ZFPM2: variants seen among roughly 807,000 people sequenced by gnomAD.
ZFPM2 encodes zinc finger protein, FOG family member 2.
Under a neutral mutation model 98.6 loss-of-function variants are expected in ZFPM2, and 20 were observed. The ratio of observed to expected loss-of-function variants is 0.20; its 90% CI spans 0.14 to 0.29. The LOEUF (loss-of-function observed/expected upper bound fraction) is 0.29. Ranked by LOEUF, ZFPM2 falls within the 10% of genes least tolerant of loss-of-function variation. The pLI is 1.00. For missense variants in ZFPM2, 1,310 were observed against 1,388.6 expected, an observed-to-expected ratio of 0.94 and a Z score of 0.90; for synonymous variants, 518 against 502.7, an observed-to-expected ratio of 1.03 and a Z score of -0.41.
intron 3 of ZFPM2, among the ~76,000 whole-genome samples, chr8:105,494,353 G>T (rs899171814): frequency 6.6e-6 from 1 of 151,048 alleles, no homozygotes; most frequent in Non-Finnish European, 1.5e-5. Context: ...TAAGACCCAG[G>T]TGTCATCCTC....
chr8:105,772,422 C>A (rs1813000017), intron 5 of ZFPM2, among the ~76,000 whole-genome samples: 1 of 152,204 alleles, frequency 6.6e-6, no homozygotes, highest in Non-Finnish European at 1.5e-5. Context: ...CCAGAGATGA[C>A]TGAAGAATAA....
intron 5 of ZFPM2, among the ~76,000 whole-genome samples, chr8:105,709,545 T>C (rs1479683624): frequency 6.6e-6 from 1 of 152,096 alleles, no homozygotes; most frequent in African/African-American, 2.4e-5. Context: ...TTTAAAAAAA[T>C]GTATGCCACT....
chr8:105,677,280 G>T (rs1484856236), intron 5 of ZFPM2, among the ~76,000 whole-genome samples: 3 of 151,530 alleles, frequency 2.0e-5, no homozygotes, highest in Non-Finnish European at 4.4e-5. Context: ...TGGACAAGAT[G>T]CTATGCTAAG....
intron 4 of ZFPM2, among the ~76,000 whole-genome samples, chr8:105,628,532 C>T (rs1816699818): frequency 6.6e-6 from 1 of 152,138 alleles, no homozygotes; most frequent in Non-Finnish European, 1.5e-5. Context: ...TTGCCTTTTC[C>T]TCAACCACCT....
chr8:105,650,170 G>T (rs1288443773), intron 5 of ZFPM2, among the ~76,000 whole-genome samples: 1 of 152,162 alleles, frequency 6.6e-6, no homozygotes, highest in Admixed American at 6.5e-5. Context: ...GCATAGAGGT[G>T]TTTATAGTAT....
At chr8:105,345,158 C>A (rs573157919) in intron 1 of ZFPM2, among the ~76,000 whole-genome samples, 26 of 152,108 alleles carry the variant, frequency 1.7e-4, no homozygotes, top group Non-Finnish European at 3.2e-4. Flanking sequence ...CATAAGTAAG[C>A]TCATTTTGGT....
chr8:105,518,007 A>G (rs1314722237), intron 3 of ZFPM2, among the ~76,000 whole-genome samples: 1 of 152,178 alleles, frequency 6.6e-6, no homozygotes. Context: ...CTCTATTACC[A>G]TAGCATGGAT....
chr8:105,445,378 A>G (rs1056946231), intron 3 of ZFPM2, among the ~76,000 whole-genome samples: 3 of 152,192 alleles, frequency 2.0e-5, no homozygotes, highest in African/African-American at 4.8e-5. Context: ...ACAAGATTTT[A>G]TATCAAAAAT....
intron 3 of ZFPM2, among the ~76,000 whole-genome samples, chr8:105,470,128 C>A (rs916831904): frequency 2.6e-5 from 4 of 152,264 alleles, no homozygotes; most frequent in Admixed American, 1.3e-4. Context: ...AACTTGTTTT[C>A]TCTTCCTCTC....
intron 1 of ZFPM2, among the ~76,000 whole-genome samples, chr8:105,327,650 A>G (rs1812138664): frequency 6.6e-6 from 1 of 151,682 alleles, no homozygotes; most frequent in African/African-American, 2.4e-5. Context: ...AAATACACTC[A>G]ATTTTGTCCA....
intron 1 of ZFPM2, among the ~76,000 whole-genome samples, chr8:105,324,194 A>T (rs1183789061): frequency 1.3e-5 from 2 of 151,858 alleles, no homozygotes; most frequent in Non-Finnish European, 3.0e-5. Context: ...TAATACAAAG[A>T]TTTATACATT....
chr8:105,352,494 A>G (rs1647889343), intron 1 of ZFPM2, among the ~76,000 whole-genome samples: 1 of 152,120 alleles, frequency 6.6e-6, no homozygotes, highest in Non-Finnish European at 1.5e-5. Flanking sequence ...CATGATTTTA[A>G]TTGGAAAAGA....
At chr8:105,427,453 T>C (rs144863834) in intron 2 of ZFPM2, among the ~76,000 whole-genome samples, 93 of 152,346 alleles carry the variant, frequency 6.1e-4, no homozygotes, top group African/African-American at 2.2e-3. Context: ...AACTGTGCAG[T>C]CTGCTAAAGA....
chr8:105,430,903 T>C (rs1206705547), intron 2 of ZFPM2, among the ~76,000 whole-genome samples: 1 of 76,962 alleles, frequency 1.3e-5, no homozygotes, highest in Non-Finnish European at 2.4e-5. Flanking sequence ...GTCCACAACT[T>C]TTTTTTTTTT....
intron 5 of ZFPM2, among the ~76,000 whole-genome samples, chr8:105,766,511 G>A (rs1812855528): frequency 6.6e-6 from 1 of 151,790 alleles, no homozygotes; most frequent in Non-Finnish European, 1.5e-5. Flanking sequence ...GCGCAGCTCT[G>A]GTTGGAAAAA....
intron 5 of ZFPM2, among the ~76,000 whole-genome samples, chr8:105,686,023 C>T (rs1001929736): frequency 2.0e-5 from 3 of 151,960 alleles, no homozygotes; most frequent in African/African-American, 7.2e-5. Context: ...TCTTCTGAAA[C>T]CCAACTGAGA....
intron 3 of ZFPM2, among the ~76,000 whole-genome samples, chr8:105,531,100 T>G (rs1176285830): frequency 6.6e-6 from 1 of 152,152 alleles, no homozygotes; most frequent in Non-Finnish European, 1.5e-5. Context: ...GTTACTTCTG[T>G]GTTCCAATGA....
intron 5 of ZFPM2, among the ~76,000 whole-genome samples, chr8:105,783,263 C>G (rs1041606943): frequency 7.6e-6 from 1 of 131,200 alleles, no homozygotes; most frequent in African/African-American, 2.9e-5. Context: ...TCATATGAAG[C>G]CACTTTATAA....
chr8:105,697,407 A>G (rs561887196), intron 5 of ZFPM2, among the ~76,000 whole-genome samples: 8 of 152,316 alleles, frequency 5.3e-5, no homozygotes, highest in African/African-American at 1.4e-4. Context: ...AGATTTACAG[A>G]TAGGTAATCC....
Sources: gnomAD v4.1 joint callset for allele counts (sites outside exome capture counted in the v4.1 genomes callset) on GRCh38, gnomAD v4.1.1 for gene constraint, MANE v1.5 for transcripts, NCBI Gene and HGNC (gene_info 2026-07-23, HGNC 2026-07-21) for gene names.